Variants in FAN1 observed in about 807,000 individuals in gnomAD.
FAN1 encodes fanconi-associated nuclease 1.
A neutral mutation model predicts 104.9 loss-of-function variants in FAN1; 91 were observed. That is an observed-to-expected ratio of 0.87 (90% CI 0.73 to 1.03). The LOEUF is 1.03. Among genes scored for constraint, FAN1 ranks in the 50% least tolerant of loss-of-function variants. The pLI, the probability that FAN1 is intolerant of heterozygous loss-of-function variation, is 0.00. For missense variants in FAN1, 1,263 were observed against 1,239.9 expected (o/e 1.02, Z -0.28); for synonymous variants, 478 against 457.6 (o/e 1.04, Z -0.57).
At chr15:30,922,116 T>G in intron 7 of FAN1, 119 bp from the exon 8 acceptor site, 1 of 1,307,390 alleles carries the variant, frequency 7.6e-7, no homozygotes, top group Non-Finnish European at 1.1e-6. Flanking sequence ...CTTGGCCTCA[T>G]TGTAGAATGG....
Position 30,904,729 on chromosome 15 carries a change from T to TTA in FAN1, c.66_67insTA (p.Lys23Ter). 2.5e-6 allele frequency: 4 copies of TTA among 1,610,880 alleles called. No homozygotes were observed. Among genetic ancestry groups the TTA allele is most frequent in the Non-Finnish European group, 3.4e-6 (4 of 1,177,892 alleles). On this transcript the variant is annotated frameshift_variant, in exon 2 of 15. Transcript: ENST00000362065. LOFTEE classifies it high-confidence loss of function. Reference sequence around the variant, plus strand: ...GTAGAAGCTTATCAATCAGCAAGAATAAGAAAAAAGCATCTAATTCTATTA... The same window carrying TTA: ...GTAGAAGCTTATCAATCAGCAAGAATTAAAGAAAAAAGCATCTAATTCTATTA...
intron 3 of FAN1, 123 bp from the exon 4 acceptor site, chr15:30,910,490 TG>T: frequency 3.5e-6 from 2 of 571,742 alleles, no homozygotes; most frequent in South Asian, 5.3e-5. Context: ...CCACATTTAA[TG>T]ATTGGTTTGG....
rs1285267758 is a variant in FAN1, at chr15:30,925,286, A to C, written c.2332A>C (p.Lys778Gln). Residue 778 changes from lysine (K) to glutamine (Q), a missense_variant, in exon 9 of 15, where the codon AAA becomes CAA. Physicochemically the swap from Lys to Gln is moderately conservative, Grantham distance 53 (BLOSUM62 1). Around this residue, in one of 2 missense-constraint regions of FAN1, gnomAD observed 581 missense variants for 668.8 expected, o/e 0.87. Transcript: ENST00000362065. ...QLPEMAVQDV[K>Q]HVTITGRLCP... Reference sequence around the variant, plus strand: ...CCCAGAAATGGCTGTGCAAGATGTGAAACACGTGAGGAAAGAGCCTGTGGG... The same window carrying C: ...CCCAGAAATGGCTGTGCAAGATGTGCAACACGTGAGGAAAGAGCCTGTGGG... 12 of 1,613,712 alleles carry C rather than the reference A, an allele frequency of 7.4e-6. No individual in the cohort carries two copies. The highest frequency in any genetic ancestry group is 1.3e-5 in the African/African-American group (1 of 74,926).
chr15:30,930,456 A>G (rs759867168), intron 12 of FAN1, 87 bp from the exon 13 acceptor site: 1 of 1,472,996 alleles, frequency 6.8e-7, no homozygotes, highest in Non-Finnish European at 9.1e-7. Flanking sequence ...ATATACACTG[A>G]GCTTTTCTCC....
chr15:30,916,691 T>C (rs561718483), intron 5 of FAN1, among the ~76,000 whole-genome samples: 1 of 152,336 alleles, frequency 6.6e-6, no homozygotes, highest in African/African-American at 2.4e-5. Context: ...ATGTTTCTTA[T>C]TCATTCAGTA....
chr15:30,917,853 G>T (rs1237408013), intron 5 of FAN1, among the ~76,000 whole-genome samples: 1 of 152,212 alleles, frequency 6.6e-6, no homozygotes, highest in Non-Finnish European at 1.5e-5. Context: ...TTGAATGAGT[G>T]AATGGATGAA....
At chr15:30,917,241 G>T (rs557345719) in intron 5 of FAN1, among the ~76,000 whole-genome samples, 3 of 152,286 alleles carry the variant, frequency 2.0e-5, no homozygotes, top group East Asian at 3.9e-4. Context: ...GAGAGGTGTT[G>T]GTGCTGGAGG....
chr15:30,930,565 G>T lies in FAN1; in HGVS notation c.2810G>T (p.Gly937Val), dbSNP rs1270571213. The stretch of plus-strand genomic sequence containing the variant: ...CAGGATCTTGTCTCCTGCCTGGGGG[G>T]CCCTGTGCTCAGTGGTGTGTGCAGG... Reference protein sequence around the residue: ...QAQDLVSCLGGPVLSGVCRHL... With the variant: ...QAQDLVSCLGVPVLSGVCRHL... The change falls in exon 13 of 15, where the codon GGC becomes GTC. Residue 937 changes from glycine to valine, a missense_variant. Coordinates refer to ENST00000362065, the MANE Select transcript of FAN1 (RefSeq NM_014967.5). 2.5e-6 allele frequency: 4 copies of T among 1,603,350 alleles called. No individual in the cohort carries two copies. The East Asian group carries it at 6.7e-5, about 27-fold the overall frequency.
chr15:30,906,571 A>G, intron 2 of FAN1: 1 of 453,144 alleles, frequency 2.2e-6, no homozygotes, highest in South Asian at 1.6e-5. Flanking sequence ...ACTCTGTGGA[A>G]CCATGTCCCT....
At position 30,914,094 on chromosome 15, in the gene FAN1, A is replaced by G. The variant is rs2140914195; in HGVS notation, c.1811+3A>G. The G allele has an allele frequency of 1.3e-6, 2 of 1,596,418 alleles. No individual in the cohort carries two copies. The highest frequency in any genetic ancestry group is 1.7e-6 in the Non-Finnish European group (2 of 1,164,072). ...CAAGACAGAGATGATCTTATCAGGT[A>G]AGATGATGTTAGCTCACTATAATGT... is the stretch of plus-strand genomic sequence containing the variant. On this transcript the variant is annotated splice_donor_region_variant and intron_variant, in intron 5 of 14. Coordinates refer to ENST00000362065, the MANE Select transcript of FAN1 (RefSeq NM_014967.5).
chr15:30,923,925 G>A (rs2062396234), intron 8 of FAN1, among the ~76,000 whole-genome samples: 1 of 152,102 alleles, frequency 6.6e-6, no homozygotes, highest in South Asian at 2.1e-4. Flanking sequence ...TACTCATAGT[G>A]TTGTGTGACC....
intron 2 of FAN1, 87 bp from the exon 3 acceptor site, chr15:30,908,031 T>C: frequency 9.2e-7 from 1 of 1,091,362 alleles, no homozygotes; most frequent in Non-Finnish European, 1.3e-6. Context: ...AGTAAGCATA[T>C]GTGTATTTCT....
At chr15:30,914,901 T>C (rs1051975535) in intron 5 of FAN1, among the ~76,000 whole-genome samples, 4 of 152,198 alleles carry the variant, frequency 2.6e-5, no homozygotes, top group African/African-American at 9.7e-5. Flanking sequence ...CCAATAAAAG[T>C]AGATTTTGAA....
Position 30,941,710 on chromosome 15 carries a change from T to C in FAN1, c.*148T>C. On this transcript the variant is annotated 3_prime_UTR_variant, in exon 15 of 15. Coordinates refer to ENST00000362065, the MANE Select transcript of FAN1 (RefSeq NM_014967.5). The stretch of plus-strand genomic sequence containing the variant: ...AGGCCTCCAGGGGGCCACTGCGCTG[T>C]TGCCGCAGCATCCTGCTCAGTACGT... 1 of 1,613,922 alleles carries C rather than the reference T, an allele frequency of 6.2e-7. No individual in the cohort carries two copies. The highest frequency in any genetic ancestry group is 1.1e-5 in the South Asian group (1 of 91,072).
rs1404782523 is a variant in FAN1 at position 30,925,128 on chromosome 15, C to CT, written c.2175dup (p.Ile726TyrfsTer35). Reference sequence around the variant, plus strand: ...ATGTGTGACCATGCTCTCTGCCAGACTATCAAGTGCATCACAGAGGGGCTG... The same window carrying CT: ...ATGTGTGACCATGCTCTCTGCCAGACTTATCAAGTGCATCACAGAGGGGCTG... On this transcript the variant is annotated frameshift_variant and splice_region_variant, in exon 9 of 15. Coordinates refer to ENST00000362065, the MANE Select transcript of FAN1 (RefSeq NM_014967.5). LOFTEE classifies it high-confidence loss of function. 1.2e-6 allele frequency: 2 copies of CT among 1,612,294 alleles called. No homozygotes were observed. Among genetic ancestry groups the CT allele is most frequent in the Non-Finnish European group, 1.7e-6 (2 of 1,179,028 alleles).
intron 12 of FAN1, among the ~76,000 whole-genome samples, chr15:30,929,995 TATATA>T (rs980122508): frequency 1.6e-4 from 22 of 134,164 alleles, no homozygotes; most frequent in East Asian, 4.0e-4. Flanking sequence ...TAAGATATCA[TATATA>T]ATATAATGTA....
At chr15:30,924,161 G>A (rs759405724) in intron 8 of FAN1, among the ~76,000 whole-genome samples, 3 of 152,210 alleles carry the variant, frequency 2.0e-5, no homozygotes, top group East Asian at 1.9e-4. Flanking sequence ...CACCCGCATC[G>A]TGGCACATGT....
chr15:30,904,606 C>A lies in FAN1; in HGVS notation c.-58C>A. ...GAAAGTAAAAGTAAACCATTGCTAT[C>A]TTTCACCTTAAATATCCTGTGTTTT... On this transcript the variant is annotated 5_prime_UTR_variant, in exon 2 of 15. Transcript: ENST00000362065. The A allele has an allele frequency of 6.5e-7, 1 of 1,541,650 alleles. No individual in the cohort carries two copies.
chr15:30,905,318 G>C lies in FAN1; in HGVS notation c.655G>C (p.Asp219His), dbSNP rs143816528. ...SSQKENVFKC[D>H]SLKEECIPEH... ...TCAAAAAGAAAACGTGTTTAAATGTGATTCTCTAAAGGAAGAGTGCATTCC... is the reference window on the plus strand; with the variant it reads ...TCAAAAAGAAAACGTGTTTAAATGTCATTCTCTAAAGGAAGAGTGCATTCC... The change falls in exon 2 of 15, where the codon GAT (aspartate) becomes CAT (histidine). Residue 219 changes from aspartate to histidine, a missense_variant. By Grantham distance (81) the Asp-to-His change is moderately conservative. Transcript: ENST00000362065. 6.8e-6 allele frequency: 11 copies of C among 1,613,804 alleles called. No individual in the cohort carries two copies. In the African/African-American group the frequency reaches 1.3e-4, roughly 20 times the overall value.
Sources: gnomAD v4.1 joint callset for allele counts (sites outside exome capture counted in the v4.1 genomes callset) on GRCh38, gnomAD v4.1.1 for gene constraint, gnomAD v4.1.1 regional missense constraint, MANE v1.5 for transcripts, NCBI Gene and HGNC (gene_info 2026-07-23, HGNC 2026-07-21) for gene names.